The following TSNAX variants were observed in gnomAD, a reference collection of about 807,000 sequenced individuals.
TSNAX encodes translin-associated protein X.
TSNAX carries 12 observed loss-of-function variants against 33.0 expected under a neutral mutation model. That is an observed-to-expected ratio of 0.36 (90% confidence interval 0.23 to 0.59). The LOEUF (loss-of-function observed/expected upper bound fraction) is 0.59. TSNAX is among the 20% of genes least tolerant of loss of function. TSNAX has a pLI of 0.74. For missense variants in TSNAX, 267 were observed against 341.3 expected, an observed-to-expected ratio of 0.78 and a Z score of 1.72; for synonymous variants, 110 against 117.2, an observed-to-expected ratio of 0.94 and a Z score of 0.40.
At chr1:231,551,204 A>G (rs904063951) in intron 4 of TSNAX, among the ~76,000 whole-genome samples, 4 of 152,222 alleles carry the variant, frequency 2.6e-5, no homozygotes, top group African/African-American at 9.6e-5. Flanking sequence ...TAAGCAAGAT[A>G]AGAAGAGAAT....
intron 4 of TSNAX, among the ~76,000 whole-genome samples, chr1:231,555,025 T>G (rs1660596146): frequency 6.6e-6 from 1 of 152,208 alleles, no homozygotes; most frequent in South Asian, 2.1e-4. Flanking sequence ...TAAACTATTA[T>G]TTTATTTTTA....
chr1:231,562,098 T>G (rs1326438159), intron 5 of TSNAX, among the ~76,000 whole-genome samples: 1 of 151,076 alleles, frequency 6.6e-6, no homozygotes, highest in Admixed American at 6.6e-5. Flanking sequence ...TATTTGATAC[T>G]TTCTGAGATA....
chr1:231,560,994 T>C, intron 4 of TSNAX, 134 bp from the exon 5 acceptor site: 1 of 813,596 alleles, frequency 1.2e-6, no homozygotes, highest in Admixed American at 3.0e-5. Flanking sequence ...GTGTCTAGTC[T>C]AGTACTGGCA....
At chr1:231,553,817 G>A (rs867526707) in intron 4 of TSNAX, among the ~76,000 whole-genome samples, 75 of 151,904 alleles carry the variant, frequency 4.9e-4, no homozygotes, top group African/African-American at 1.6e-3. Context: ...CTCCCGAGTA[G>A]CTGGGATTAC....
chr1:231,541,915 G>A (rs1287559917), intron 3 of TSNAX, among the ~76,000 whole-genome samples: 2 of 152,096 alleles, frequency 1.3e-5, no homozygotes, highest in African/African-American at 2.4e-5. Flanking sequence ...TCTCCTCATT[G>A]TTACTCTGCT....
At chr1:231,540,237 A>C (rs1424412904) in intron 3 of TSNAX, among the ~76,000 whole-genome samples, 1 of 152,022 alleles carries the variant, frequency 6.6e-6, no homozygotes, top group Non-Finnish European at 1.5e-5. Flanking sequence ...TACAGCTGAA[A>C]AACTGTTGTG....
At chr1:231,542,316 A>T in intron 3 of TSNAX, 165 bp from the exon 4 acceptor site, 1 of 651,130 alleles carries the variant, frequency 1.5e-6, no homozygotes, top group Non-Finnish European at 2.4e-6. Flanking sequence ...ACAGTGTGTT[A>T]ATAACATTTT....
Position 231,528,920 on chromosome 1 carries a change from G to C in TSNAX, c.16+94G>C, listed in dbSNP as rs944978435. The C allele has an allele frequency of 5.2e-6, 8 of 1,534,678 alleles. No individual in the cohort carries two copies. In the African/African-American group the frequency reaches 9.5e-5, roughly 18 times the overall value. On this transcript the variant is annotated intron_variant, in intron 1 of 5. Coordinates refer to ENST00000366639, the MANE Select transcript of TSNAX (RefSeq NM_005999.3). ...TTTCCCCTTTTCACCCTTGAAGGAT[G>C]CCTTCGTCCCTTGTAGACTCGGGGG...
At chr1:231,550,691 C>T (rs1660241464) in intron 4 of TSNAX, among the ~76,000 whole-genome samples, 1 of 152,140 alleles carries the variant, frequency 6.6e-6, no homozygotes, top group African/African-American at 2.4e-5. Context: ...TCCTTTTCCT[C>T]TTCTACTCCT....
intron 4 of TSNAX, among the ~76,000 whole-genome samples, chr1:231,544,548 G>GAGCACA (rs1659781856): frequency 6.6e-6 from 1 of 152,194 alleles, no homozygotes; most frequent in African/African-American, 2.4e-5. Flanking sequence ...ATTAGTGCAT[G>GAGCACA]ATTAGGCTCT....
intron 4 of TSNAX, among the ~76,000 whole-genome samples, chr1:231,556,406 C>T (rs1300953569): frequency 6.6e-6 from 1 of 152,102 alleles, no homozygotes; most frequent in East Asian, 1.9e-4. Context: ...GGCAGCCAAA[C>T]AGAAATGCTA....
rs1405052279 is a variant in TSNAX, at chr1:231,528,689, G to A, written c.-122G>A. 4 of 1,145,108 alleles carry A rather than the reference G, an allele frequency of 3.5e-6. No individual in the cohort carries two copies. In the South Asian group the frequency reaches 3.9e-5, roughly 11 times the overall value. 70.9% of individuals were successfully genotyped at this position (1,145,108 alleles called of 1,614,324 possible). On this transcript the variant is annotated 5_prime_UTR_variant, in exon 1 of 6. Transcript: ENST00000366639. ...GACTTCCGGCCACTGCGTTGTAGTC[G>A]GCCCGGCTGCAAAGCGTTTTTCTGC...
At chr1:231,541,308 G>A (rs1049291070) in intron 3 of TSNAX, among the ~76,000 whole-genome samples, 2 of 151,982 alleles carry the variant, frequency 1.3e-5, no homozygotes. Context: ...ACTAAAATTT[G>A]TGCATACAAG....
chr1:231,529,256 A>G lies in TSNAX; in HGVS notation c.18A>G (p.Gly6=), dbSNP rs201798398. The part of the protein sequence containing the change: MSNKE[G]SGGFRKRKHD... Reference sequence around the variant, plus strand: ...CTCTTTTTTTCTTCTCTATATAAGGATCAGGAGGGTTCAGGAAAAGGAAGC... The same window carrying G: ...CTCTTTTTTTCTTCTCTATATAAGGGTCAGGAGGGTTCAGGAAAAGGAAGC... Residue 6 remains glycine (G), a splice_region_variant and synonymous_variant, in exon 2 of 6, where the codon GGA becomes GGG. Transcript: ENST00000366639. 6 of 1,613,842 alleles carry G rather than the reference A, an allele frequency of 3.7e-6. No homozygotes were observed. Among genetic ancestry groups the G allele is most frequent in the Middle Eastern group, 1.6e-4 (1 of 6,084 alleles).
intron 4 of TSNAX, chr1:231,542,868 TG>T (rs753922321): frequency 3.4e-4 from 105 of 307,944 alleles, no homozygotes; most frequent in Non-Finnish European, 4.6e-4. Context: ...ACTTTATTCT[TG>T]AGTATGTAGG....
At position 231,549,689 on chromosome 1, in the gene TSNAX, G is replaced by A. The variant is rs541251643; in HGVS notation, c.367+7078G>A. ...CTGCTGCATTATTGTGGCCATGTTT[G>A]TTGTTAAAATAGAAATACATCCTTC... On this transcript the variant is annotated intron_variant, in intron 4 of 5. Transcript: ENST00000366639. 1.8e-3 allele frequency among the ~76,000 whole-genome samples: 277 copies of A among 152,288 alleles called. 1 individual carries two copies. The highest frequency in any genetic ancestry group is 6.1e-3 in the African/African-American group (254 of 41,562).
chr1:231,549,802 A>C (rs1051390668), intron 4 of TSNAX, among the ~76,000 whole-genome samples: 10 of 152,228 alleles, frequency 6.6e-5, no homozygotes, highest in African/African-American at 2.4e-4. Flanking sequence ...TTATCTCAGA[A>C]GCCAAAGGTG....
chr1:231,536,303 T>A (rs1659167569), intron 2 of TSNAX: 2 of 152,244 alleles, frequency 1.3e-5, no homozygotes, highest in Non-Finnish European at 2.9e-5. Flanking sequence ...TATGCTTATG[T>A]ATGCAATATT....
intron 3 of TSNAX, among the ~76,000 whole-genome samples, chr1:231,540,923 A>G (rs976753604): frequency 1.3e-5 from 2 of 151,894 alleles, no homozygotes. Context: ...TAATATAGCT[A>G]CTCCTGTTTC....
Sources: allele counts gnomAD v4.1 joint callset (sites outside exome capture counted in the v4.1 genomes callset), GRCh38; gene constraint gnomAD v4.1.1; transcripts MANE v1.5; gene names NCBI Gene and HGNC (gene_info 2026-07-23, HGNC 2026-07-21).